CTSA: variants seen among roughly 807,000 people sequenced by gnomAD.
CTSA encodes cathepsin A, also known as lysosomal protective protein.
CTSA carries 42 observed loss-of-function variants against 66.7 expected under a neutral mutation model. That is an observed-to-expected ratio of 0.63 (90% confidence interval 0.49 to 0.81). The LOEUF is 0.81. Ranked by LOEUF, CTSA falls within the 40% of genes least tolerant of loss-of-function variation. The probability of loss-of-function intolerance (pLI) is 0.00; values close to 1 mark genes in which losing one functional copy is unlikely to be tolerated. For missense variants in CTSA, 525 were observed against 610.9 expected, an observed-to-expected ratio of 0.86 and a Z score of 1.48; for synonymous variants, 225 against 248.6, an observed-to-expected ratio of 0.91 and a Z score of 0.89.
intron 11 of CTSA, chr20:45,896,654 G>C (rs887511767): frequency 3.2e-4 from 123 of 380,340 alleles, no homozygotes; most frequent in African/African-American, 2.4e-3. Flanking sequence ...GGTCAGGCTG[G>C]TCTCGAACTC....
At chr20:45,892,514 G>C (rs1425232918) in intron 5 of CTSA, 30 bp downstream of exon 5, 1 of 1,603,454 alleles carries the variant, frequency 6.2e-7, no homozygotes, top group East Asian at 2.2e-5. Context: ...ATCTGCCCCA[G>C]GCTCCCCGGT....
At chr20:45,896,251 C>CCCG (rs1568766193) in intron 11 of CTSA, 1 of 148,926 alleles carries the variant, frequency 6.7e-6, no homozygotes, top group African/African-American at 2.7e-5. Context: ...GCCACCCCCC[C>CCCG]CCACAACCCC....
At chr20:45,897,658 G>A in intron 12 of CTSA, 59 bp from the exon 13 acceptor site, 1 of 1,018,798 alleles carries the variant, frequency 9.8e-7, no homozygotes, top group Non-Finnish European at 1.6e-6. Context: ...CTTGAACTAG[G>A]GAAGGGCTGG....
Position 45,892,313 on chromosome 20 carries a change from C to T in CTSA, c.347C>T (p.Ser116Phe). 1.9e-6 allele frequency: 3 copies of T among 1,614,190 alleles called. No individual in the cohort carries two copies. Among genetic ancestry groups the T allele is most frequent in the Non-Finnish European group, 2.5e-6 (3 of 1,180,048 alleles). Residue 116 changes from serine to phenylalanine, a missense_variant, in exon 4 of 15, where the codon TCT becomes TTT. Physicochemically the swap from Ser to Phe is radical, Grantham distance 155. Transcript: ENST00000646241. Reference sequence around the variant, plus strand: ...GTCACCCTGGAGTACAACCCCTATTCTTGGAATCTGGTATAGCTGGAGCTG... The same window carrying T: ...GTCACCCTGGAGTACAACCCCTATTTTTGGAATCTGGTATAGCTGGAGCTG... ...DGVTLEYNPY[S>F]WNLIANVLYL...
chr20:45,891,774 T>C lies in CTSA; in HGVS notation c.194+12T>C. The C allele has an allele frequency of 1.2e-6, 2 of 1,613,734 alleles. No individual in the cohort carries two copies. Among genetic ancestry groups the C allele is most frequent in the Non-Finnish European group, 1.7e-6 (2 of 1,179,906 alleles). On this transcript the variant is annotated intron_variant, in intron 2 of 14. Coordinates refer to ENST00000646241, the MANE Select transcript of CTSA (RefSeq NM_000308.4). The surrounding 1 kb of genome is among the most constrained non-coding windows in gnomAD (Gnocchi z 4.6). The stretch of plus-strand genomic sequence containing the variant: ...CACCTCCACTACTGGTCTGCCGCCC[T>C]GCCTTCTGGGCGGGATTGGGAGAAG...
chr20:45,892,434 G>A lies in CTSA; in HGVS notation c.394G>A (p.Val132Met), dbSNP rs137854545. 1.1e-5 allele frequency: 17 copies of A among 1,614,056 alleles called. No individual in the cohort carries two copies. The highest frequency in any genetic ancestry group is 1.6e-4 in the Middle Eastern group (1 of 6,084). ...NVLYLESPAG[V>M]GFSYSDDKFY... ...GTTATACCTGGAGTCCCCAGCTGGGGTGGGCTTCTCCTACTCCGATGACAA... is the reference window on the plus strand; with the variant it reads ...GTTATACCTGGAGTCCCCAGCTGGGATGGGCTTCTCCTACTCCGATGACAA... Residue 132 changes from valine (V) to methionine (M), a missense_variant, in exon 5 of 15, where the codon GTG (valine) becomes ATG (methionine). Around this residue, in one of 3 missense-constraint regions of CTSA, gnomAD observed 246 missense variants for 267.4 expected, o/e 0.92. Transcript: ENST00000646241.
rs1323408862 is a variant in CTSA, at chr20:45,891,784, G to T, written c.194+22G>T. Reference sequence around the variant, plus strand: ...ACTGGTCTGCCGCCCTGCCTTCTGGGCGGGATTGGGAGAAGAGATGACGGA... The same window carrying T: ...ACTGGTCTGCCGCCCTGCCTTCTGGTCGGGATTGGGAGAAGAGATGACGGA... On this transcript the variant is annotated intron_variant, in intron 2 of 14. Transcript: ENST00000646241. The surrounding 1 kb of genome is among the most constrained non-coding windows in gnomAD (Gnocchi z 4.6). 2 of 1,613,868 alleles carry T rather than the reference G, an allele frequency of 1.2e-6. No homozygotes were observed. Among genetic ancestry groups the T allele is most frequent in the South Asian group, 1.1e-5 (1 of 91,086 alleles).
Position 45,898,516 on chromosome 20 carries a change from T to C in CTSA, c.*66T>C, listed in dbSNP as rs892691787. 2 of 1,489,326 alleles carry C rather than the reference T, an allele frequency of 1.3e-6. No individual in the cohort carries two copies. Among genetic ancestry groups the C allele is most frequent in the African/African-American group, 2.8e-5 (2 of 72,534 alleles). 92.3% of individuals were successfully genotyped at this position (1,489,326 alleles called of 1,614,324 possible). A position where few individuals can be genotyped will look rare whatever the true frequency, so the allele number is the denominator to read the frequency against. ...CCAGCCTCTCCCGCTAGGAGAGTCC[T>C]CTTCTAAGCAAAGTGCCCCTGCAGG... is the stretch of plus-strand genomic sequence containing the variant. On this transcript the variant is annotated 3_prime_UTR_variant, in exon 15 of 15. Coordinates refer to ENST00000646241, the MANE Select transcript of CTSA (RefSeq NM_000308.4). The surrounding 1 kb of genome is among the most constrained non-coding windows in gnomAD (Gnocchi z 4.6).
rs375666119 is a variant in CTSA, at chr20:45,896,998, C to T, written c.1122C>T (p.Tyr374=). The T allele has an allele frequency of 1.3e-5, 21 of 1,613,960 alleles. No homozygotes were observed. The highest frequency in any genetic ancestry group is 1.7e-5 in the Admixed American group (1 of 60,004). ...FLVNLQYRRL[Y]RSMNSQYLKL... is the part of the protein sequence containing the mutation. ...TAAACTTACAGTACCGCCGTCTCTA[C>T]CGAAGCATGAACTCCCAGTATCTGA... The change falls in exon 12 of 15, where the codon TAC becomes TAT. Residue 374 remains tyrosine, a synonymous_variant. Coordinates refer to ENST00000646241, the MANE Select transcript of CTSA (RefSeq NM_000308.4).
At chr20:45,894,343 A>G (rs1027756866) in intron 8 of CTSA, 6 of 610,418 alleles carry the variant, frequency 9.8e-6, no homozygotes, top group African/African-American at 3.7e-5. Context: ...AACTGTGTCT[A>G]TGTAGATTAT....
chr20:45,891,641 C>G lies in CTSA; in HGVS notation c.73C>G (p.Arg25Gly), dbSNP rs1986940321. 1 of 1,612,016 alleles carries G rather than the reference C, an allele frequency of 6.2e-7. No individual in the cohort carries two copies. Among genetic ancestry groups the G allele is most frequent in the South Asian group, 1.1e-5 (1 of 91,074 alleles). ...LLLLLVSWAS[R>G]GEAAPDQDEI... Reference sequence around the variant, plus strand: ...GCTGCTGCTAGTGTCCTGGGCGTCCCGAGGCGAGGCAGCCCCCGACCAGGA... The same window carrying G: ...GCTGCTGCTAGTGTCCTGGGCGTCCGGAGGCGAGGCAGCCCCCGACCAGGA... The change falls in exon 2 of 15, where the codon CGA (arginine) becomes GGA (glycine). Residue 25 changes from arginine to glycine, a missense_variant. Coordinates refer to ENST00000646241, the MANE Select transcript of CTSA (RefSeq NM_000308.4). This position sits in a 1 kb window ranked among gnomAD's most constrained non-coding sequence, Gnocchi z 4.6.
At position 45,891,757 on chromosome 20, in the gene CTSA, C is replaced by T. The variant is rs759456788; in HGVS notation, c.189C>T (p.His63=). 7 of 1,613,848 alleles carry T rather than the reference C, an allele frequency of 4.3e-6. No individual in the cohort carries two copies. Among genetic ancestry groups the T allele is most frequent in the Non-Finnish European group, 4.2e-6 (5 of 1,180,032 alleles). Residue 63 remains histidine, a synonymous_variant, in exon 2 of 15, where the codon CAC becomes CAT. Transcript: ENST00000646241. This position sits in a 1 kb window ranked among gnomAD's most constrained non-coding sequence, Gnocchi z 4.6. ...YLKGSGSKHL[H]YWFVESQKDP... is the part of the protein sequence containing the mutation. ...AAGGCTCCGGCTCCAAGCACCTCCA[C>T]TACTGGTCTGCCGCCCTGCCTTCTG...
At chr20:45,894,562 C>T (rs992874923) in intron 8 of CTSA, 88 bp from the exon 9 acceptor site, 24 of 1,216,366 alleles carry the variant, frequency 2.0e-5, no homozygotes, top group Middle Eastern at 1.9e-4. Flanking sequence ...GAGGTGAAAT[C>T]CAAGAGCAGT....
intron 11 of CTSA, chr20:45,896,244 A>ACC (rs58016224): frequency 0.13 from 17,309 of 135,622 alleles, 1,548 homozygotes; most frequent in East Asian, 0.34. Flanking sequence ...TCCTGTGGCC[A>ACC]CCCCCCCCCA....
chr20:45,893,606 C>T (rs970784310), intron 7 of CTSA, among the ~76,000 whole-genome samples: 2 of 152,028 alleles, frequency 1.3e-5, no homozygotes, highest in African/African-American at 4.8e-5. Flanking sequence ...CCTCAGACTC[C>T]CAGGCAGCTG....
chr20:45,897,918 TGGA>T, intron 13 of CTSA, 84 bp from the exon 14 acceptor site: 3 of 1,549,894 alleles, frequency 1.9e-6, no homozygotes, highest in Non-Finnish European at 2.7e-6. Flanking sequence ...AGGGCAAGTG[TGGA>T]GGAATTCCCA....
intron 7 of CTSA, 75 bp from the exon 8 acceptor site, chr20:45,893,913 G>T (rs947497372): frequency 1.1e-6 from 1 of 887,342 alleles, no homozygotes; most frequent in South Asian, 1.3e-5. Flanking sequence ...GGTGGGAGGT[G>T]GGGGGTATGC....
chr20:45,892,120 C>A, intron 3 of CTSA, 93 bp downstream of exon 3: 4 of 1,450,828 alleles, frequency 2.8e-6, no homozygotes, highest in East Asian at 2.3e-5. Context: ...AAGTTTCCTT[C>A]CTTCTAAGCC....
chr20:45,896,777 G>A, intron 11 of CTSA, 188 bp from the exon 12 acceptor site: 2 of 643,594 alleles, frequency 3.1e-6, no homozygotes, highest in Non-Finnish European at 5.7e-6. Context: ...GAGGCTGTCT[G>A]AATCCCAGCC....
Sources: gnomAD v4.1 joint callset for allele counts (sites outside exome capture counted in the v4.1 genomes callset) on GRCh38, gnomAD v4.1.1 for gene constraint, gnomAD v4.1.1 regional missense constraint, Gnocchi (gnomAD v3.1) non-coding constraint, MANE v1.5 for transcripts, NCBI Gene and HGNC (gene_info 2026-07-23, HGNC 2026-07-21) for gene names.